Variants in EBF1 observed in about 807,000 individuals in gnomAD.
EBF1 encodes transcription factor COE1.
A neutral mutation model predicts 68.4 loss-of-function variants in EBF1; 10 were observed. That is an observed-to-expected ratio of 0.15 (90% CI 0.09 to 0.25). The LOEUF is 0.25. Ranked by LOEUF, EBF1 falls within the 10% of genes least tolerant of loss-of-function variation. The probability of loss-of-function intolerance (pLI) is 1.00; values close to 1 mark genes in which losing one functional copy is unlikely to be tolerated. For missense variants in EBF1, 509 were observed against 794.4 expected, an observed-to-expected ratio of 0.64 and a Z score of 4.32; for synonymous variants, 298 against 299.8, an observed-to-expected ratio of 0.99 and a Z score of 0.06.
At chr5:158,717,132 T>C (rs1383989118) in intron 11 of EBF1, among the ~76,000 whole-genome samples, 1 of 152,268 alleles carries the variant, frequency 6.6e-6, no homozygotes, top group East Asian at 1.9e-4. Flanking sequence ...TAAAATGTAT[T>C]GATTAAATTT....
chr5:159,046,894 C>G (rs954213709), intron 6 of EBF1, among the ~76,000 whole-genome samples: 1 of 152,170 alleles, frequency 6.6e-6, no homozygotes, highest in Non-Finnish European at 1.5e-5. Flanking sequence ...CTGAACAGAG[C>G]TGGGAAAAGA....
At chr5:158,944,796 G>T (rs1814277007) in intron 6 of EBF1, among the ~76,000 whole-genome samples, 1 of 152,184 alleles carries the variant, frequency 6.6e-6, no homozygotes, top group Non-Finnish European at 1.5e-5. Context: ...TTGTGGTTTT[G>T]ATTTGCATTT....
At chr5:158,871,691 AT>A (rs1796897759) in intron 6 of EBF1, among the ~76,000 whole-genome samples, 1 of 152,202 alleles carries the variant, frequency 6.6e-6, no homozygotes, top group Non-Finnish European at 1.5e-5. Context: ...AGAACCTCTA[AT>A]TCAGTCATGT....
chr5:158,699,813 A>G (rs1369167608), intron 15 of EBF1, among the ~76,000 whole-genome samples: 4 of 152,242 alleles, frequency 2.6e-5, no homozygotes, highest in African/African-American at 7.2e-5. Context: ...TGATCTGACC[A>G]TATTTCCTAG....
chr5:159,083,273 G>A (rs1780042785), intron 5 of EBF1, among the ~76,000 whole-genome samples: 1 of 152,178 alleles, frequency 6.6e-6, no homozygotes, highest in African/African-American at 2.4e-5. Context: ...TTTCTAAAAT[G>A]AATTTTACTC....
At chr5:158,891,593 A>T (rs1485081246) in intron 6 of EBF1, among the ~76,000 whole-genome samples, 1 of 152,080 alleles carries the variant, frequency 6.6e-6, no homozygotes, top group Non-Finnish European at 1.5e-5. Flanking sequence ...TTTCCTTCTT[A>T]GAGCCAGCTA....
At chr5:159,046,382 T>G (rs1301191390) in intron 6 of EBF1, among the ~76,000 whole-genome samples, 1 of 152,234 alleles carries the variant, frequency 6.6e-6, no homozygotes, top group African/African-American at 2.4e-5. Flanking sequence ...GCTATTCCCA[T>G]AATTGTGTCG....
At chr5:158,999,801 A>G (rs1038302864) in intron 6 of EBF1, among the ~76,000 whole-genome samples, 6 of 152,210 alleles carry the variant, frequency 3.9e-5, no homozygotes, top group Admixed American at 3.9e-4. Context: ...AGACAGACAT[A>G]CATATAGAAA....
At chr5:158,963,682 A>G (rs966975624) in intron 6 of EBF1, among the ~76,000 whole-genome samples, 4 of 152,208 alleles carry the variant, frequency 2.6e-5, no homozygotes, top group Admixed American at 2.0e-4. Flanking sequence ...AAAGATATTA[A>G]ATCGAAACAT....
chr5:159,092,123 A>G (rs1209526702), intron 4 of EBF1, among the ~76,000 whole-genome samples: 1 of 152,206 alleles, frequency 6.6e-6, no homozygotes, highest in Non-Finnish European at 1.5e-5. Context: ...AAGGATGCCC[A>G]CTAAACCTCA....
intron 10 of EBF1, among the ~76,000 whole-genome samples, chr5:158,763,130 A>C (rs1318330346): frequency 6.6e-6 from 1 of 152,176 alleles, no homozygotes; most frequent in Non-Finnish European, 1.5e-5. Context: ...GAATAAAGGC[A>C]TTTACATCTT....
At chr5:158,747,624 C>T (rs1282105129) in intron 10 of EBF1, among the ~76,000 whole-genome samples, 4 of 152,126 alleles carry the variant, frequency 2.6e-5, no homozygotes, top group African/African-American at 7.2e-5. Flanking sequence ...ACAAAGCATC[C>T]GCATGTTTTA....
intron 5 of EBF1, among the ~76,000 whole-genome samples, chr5:159,083,431 A>G (rs1401754025): frequency 5.9e-5 from 9 of 152,188 alleles, no homozygotes; most frequent in Non-Finnish European, 1.0e-4. Flanking sequence ...AAAACAACCT[A>G]TTTTCATAAT....
rs114570135 is a variant in EBF1, at chr5:158,725,403, C to T, written c.1125+5666G>A. Among the ~76,000 whole-genome samples, 542 of 152,336 alleles carry T rather than the reference C, an allele frequency of 3.6e-3. 2 individuals carry two copies. Among genetic ancestry groups the T allele is most frequent in the African/African-American group, 0.012 (515 of 41,568 alleles). On this transcript the variant is annotated intron_variant, in intron 11 of 15. Coordinates refer to ENST00000313708, the MANE Select transcript of EBF1 (RefSeq NM_024007.5). ...CATGTCACTGACTTCTTTACTGACA[C>T]CTGCTGGAATGAACAACAACTTTTT...
chr5:159,021,940 C>T (rs1766765968), intron 6 of EBF1, among the ~76,000 whole-genome samples: 1 of 151,352 alleles, frequency 6.6e-6, no homozygotes, highest in South Asian at 2.1e-4. Context: ...GCTTTAATGC[C>T]TGCATTACCG....
intron 6 of EBF1, among the ~76,000 whole-genome samples, chr5:158,949,007 G>A (rs1815435437): frequency 6.6e-6 from 1 of 152,196 alleles, no homozygotes; most frequent in Non-Finnish European, 1.5e-5. Flanking sequence ...AGGCACATTT[G>A]CAACAGGAGT....
chr5:158,833,193 C>A (rs933545179), intron 7 of EBF1, among the ~76,000 whole-genome samples: 1 of 151,456 alleles, frequency 6.6e-6, no homozygotes, highest in African/African-American at 2.4e-5. Context: ...GTAGTCCCAG[C>A]TACTCTGAAG....
intron 14 of EBF1, among the ~76,000 whole-genome samples, chr5:158,711,697 A>C (rs1759369592): frequency 6.6e-6 from 1 of 151,360 alleles, no homozygotes; most frequent in Admixed American, 6.6e-5. Context: ...TTTGAGACGG[A>C]GTCTTGCTCT....
chr5:159,081,026 G>C (rs1035020268), intron 5 of EBF1, among the ~76,000 whole-genome samples: 1 of 152,182 alleles, frequency 6.6e-6, no homozygotes, highest in Non-Finnish European at 1.5e-5. Context: ...TGCCACCCAA[G>C]CTGGAGTGCA....
Sources: gnomAD v4.1 joint callset for allele counts (sites outside exome capture counted in the v4.1 genomes callset) on GRCh38, gnomAD v4.1.1 for gene constraint, MANE v1.5 for transcripts, NCBI Gene and HGNC (gene_info 2026-07-23, HGNC 2026-07-21) for gene names.